The following ADGRV1 variants were observed in gnomAD, a reference collection of about 807,000 sequenced individuals.
The protein encoded by ADGRV1 is adhesion G protein-coupled receptor V1, also known as G-protein coupled receptor 98.
In ADGRV1, 359 loss-of-function variants were observed where a neutral mutation model predicts 596.2. The ratio of observed to expected loss-of-function variants is 0.60; its 90% CI spans 0.55 to 0.66. The LOEUF is 0.66. ADGRV1 is among the 30% of genes least tolerant of loss of function. The pLI is 0.00. For missense variants in ADGRV1, 7,274 were observed against 7,575.6 expected, an observed-to-expected ratio of 0.96 and a Z score of 1.48; for synonymous variants, 2,681 against 2,679.2, an observed-to-expected ratio of 1.00 and a Z score of -0.02.
intron 1 of ADGRV1, among the ~76,000 whole-genome samples, chr5:90,606,373 G>T (rs73179769): frequency 0.019 from 2,880 of 152,182 alleles, 82 homozygotes; most frequent in African/African-American, 0.065. Flanking sequence ...TGTCTTGAGG[G>T]TCATTGTATA....
At chr5:90,625,332 C>A in intron 6 of ADGRV1, 89 bp downstream of exon 6, 1 of 723,382 alleles carries the variant, frequency 1.4e-6, no homozygotes, top group Non-Finnish European at 2.4e-6. Flanking sequence ...TGGCCAGTCG[C>A]ACCTCAGCTA....
Position 90,778,949 on chromosome 5 carries a change from G to A in ADGRV1, c.12934G>A (p.Gly4312Ser). 6.2e-7 allele frequency: 1 copy of A among 1,613,552 alleles called. No individual in the cohort carries two copies. Residue 4312 changes from glycine to serine, a missense_variant, in exon 64 of 90, where the codon GGC becomes AGC. Physicochemically the swap from Gly to Ser is moderately conservative, Grantham distance 56. This residue lies in a region of ADGRV1 where 3,643 missense variants were observed against 3,809.2 expected (regional missense o/e 0.96). Coordinates refer to ENST00000405460, the MANE Select transcript of ADGRV1 (RefSeq NM_032119.4). ...YKTMSGTAEA[G>S]LDFVPAAGEL... is the part of the protein sequence containing the mutation. Reference sequence around the variant, plus strand: ...GACGATGAGCGGGACAGCGGAAGCAGGCTTGGATTTTGTTCCTGCAGCAGG... The same window carrying A: ...GACGATGAGCGGGACAGCGGAAGCAAGCTTGGATTTTGTTCCTGCAGCAGG...
chr5:90,666,237 G>A lies in ADGRV1; in HGVS notation c.4753-6309G>A, dbSNP rs557215918. On this transcript the variant is annotated intron_variant, in intron 21 of 89. Transcript: ENST00000405460. Reference sequence around the variant, plus strand: ...GGTGTTAAAGTCTCCCATTATTAATGTGTGGGAGTCTAAGTCTCTTTGTAG... The same window carrying A: ...GGTGTTAAAGTCTCCCATTATTAATATGTGGGAGTCTAAGTCTCTTTGTAG... Among the ~76,000 whole-genome samples the A allele has an allele frequency of 7.2e-5, 11 of 152,022 alleles. No homozygotes were observed. The South Asian group carries it at 1.9e-3, about 26-fold the overall frequency.
At chr5:91,111,998 G>T (rs1217359014) in intron 87 of ADGRV1, among the ~76,000 whole-genome samples, 1 of 152,234 alleles carries the variant, frequency 6.6e-6, no homozygotes, top group African/African-American at 2.4e-5. Context: ...CCCGTGTTCA[G>T]TAGCATCTGG....
intron 87 of ADGRV1, among the ~76,000 whole-genome samples, chr5:91,132,811 G>A (rs186793341): frequency 8.9e-4 from 136 of 152,292 alleles, no homozygotes; most frequent in African/African-American, 3.1e-3. Flanking sequence ...GTTAATGAAT[G>A]TGCAAAGGCA....
chr5:90,775,837 A>G (rs1312906429), intron 60 of ADGRV1, among the ~76,000 whole-genome samples: 1 of 152,122 alleles, frequency 6.6e-6, no homozygotes, highest in African/African-American at 2.4e-5. Context: ...TGATTCCATT[A>G]ATCCATTGCC....
At chr5:91,028,904 G>GT (rs1443957469) in intron 85 of ADGRV1, among the ~76,000 whole-genome samples, 1 of 151,606 alleles carries the variant, frequency 6.6e-6, no homozygotes, top group East Asian at 1.9e-4. Flanking sequence ...ATGTGGCTAA[G>GT]TTTTTTTTAT....
chr5:90,667,836 C>A (rs1357257828), intron 21 of ADGRV1, among the ~76,000 whole-genome samples: 1 of 151,546 alleles, frequency 6.6e-6, no homozygotes, highest in Non-Finnish European at 1.5e-5. Flanking sequence ...ACAGACAGGA[C>A]CCTCAGCTGC....
intron 83 of ADGRV1, among the ~76,000 whole-genome samples, chr5:90,952,272 A>G (rs1193044566): frequency 1.3e-5 from 2 of 152,138 alleles, no homozygotes; most frequent in Non-Finnish European, 2.9e-5. Flanking sequence ...CCACTTCTCC[A>G]GAGAAAATTC....
intron 83 of ADGRV1, among the ~76,000 whole-genome samples, chr5:90,891,062 G>A (rs1326748791): frequency 1.3e-5 from 2 of 151,332 alleles, no homozygotes; most frequent in African/African-American, 2.4e-5. Context: ...ATGGGAGAGC[G>A]GGTTTATATG....
At chr5:91,132,904 C>T (rs765055782) in intron 87 of ADGRV1, among the ~76,000 whole-genome samples, 16 of 152,090 alleles carry the variant, frequency 1.1e-4, no homozygotes, top group Non-Finnish European at 2.2e-4. Flanking sequence ...AAAAAGTGGG[C>T]AGAATTCAGG....
intron 77 of ADGRV1, among the ~76,000 whole-genome samples, chr5:90,832,718 G>C (rs919926624): frequency 6.6e-6 from 1 of 152,140 alleles, no homozygotes; most frequent in Non-Finnish European, 1.5e-5. Flanking sequence ...TAGTTTCTTA[G>C]TTTGAGATCT....
chr5:90,747,430 C>A (rs2438367), intron 52 of ADGRV1, among the ~76,000 whole-genome samples: 2 of 151,814 alleles, frequency 1.3e-5, no homozygotes, highest in Non-Finnish European at 2.9e-5. Context: ...TGATTTATTA[C>A]GGCAAAGAAT....
chr5:91,045,759 T>C (rs750493443), intron 85 of ADGRV1, among the ~76,000 whole-genome samples: 1 of 152,234 alleles, frequency 6.6e-6, no homozygotes, highest in East Asian at 1.9e-4. Flanking sequence ...TATATGATTG[T>C]TTACCTAGAA....
At chr5:90,717,176 GA>G in intron 43 of ADGRV1, 1 of 152,318 alleles carries the variant, frequency 6.6e-6, no homozygotes, top group Admixed American at 6.5e-5. Context: ...GTTTATTGGA[GA>G]AAAAAATGCT....
At chr5:90,788,863 GACACACAC>G (rs70973708) in intron 68 of ADGRV1, among the ~76,000 whole-genome samples, 5,787 of 147,014 alleles carry the variant, frequency 0.039, 393 homozygotes, top group African/African-American at 0.14. Context: ...CACAGACACA[GACACACAC>G]ACACACACAC....
intron 1 of ADGRV1, among the ~76,000 whole-genome samples, chr5:90,583,556 C>T (rs1758347920): frequency 6.6e-6 from 1 of 152,164 alleles, no homozygotes; most frequent in Admixed American, 6.5e-5. Context: ...TGGCACACTT[C>T]TTTCAGCATA....
chr5:90,856,008 A>G lies in ADGRV1; in HGVS notation c.17755+107A>G, dbSNP rs920864607. The G allele has an allele frequency of 1.1e-5, 10 of 892,988 alleles. No homozygotes were observed. The South Asian group carries it at 1.3e-4, about 12-fold the overall frequency. 55.3% of individuals were successfully genotyped at this position (892,988 alleles called of 1,614,324 possible). A position where few individuals can be genotyped will look rare whatever the true frequency, so the allele number is the denominator to read the frequency against. On this transcript the variant is annotated intron_variant, in intron 82 of 89. Transcript: ENST00000405460. Reference sequence around the variant, plus strand: ...GCAAGATGCAAACATACCGTAATTCATCAGCACTAGAAGAATACAAATTTT... The same window carrying G: ...GCAAGATGCAAACATACCGTAATTCGTCAGCACTAGAAGAATACAAATTTT...
At chr5:90,584,399 C>T (rs1005395291) in intron 1 of ADGRV1, among the ~76,000 whole-genome samples, 4 of 152,152 alleles carry the variant, frequency 2.6e-5, no homozygotes, top group South Asian at 4.1e-4. Flanking sequence ...CTTCTTGAAG[C>T]GGAGTCCCAA....
Sources: gnomAD v4.1 joint callset for allele counts (sites outside exome capture counted in the v4.1 genomes callset) on GRCh38, gnomAD v4.1.1 for gene constraint, gnomAD v4.1.1 regional missense constraint, MANE v1.5 for transcripts, NCBI Gene and HGNC (gene_info 2026-07-23, HGNC 2026-07-21) for gene names.